The following FSIP1 variants were observed in gnomAD, a reference collection of about 807,000 sequenced individuals.
FSIP1 encodes the protein fibrous sheath-interacting protein 1.
In FSIP1, 65 loss-of-function variants were observed where a neutral mutation model predicts 60.9. The ratio of observed to expected loss-of-function variants is 1.07; its 90% CI spans 0.87 to 1.31. The LOEUF is 1.31. Ranked by LOEUF, FSIP1 falls within the 40% of genes most tolerant of loss-of-function variation. The pLI is 0.00. For synonymous variants in FSIP1, 209 were observed against 221.2 expected, an observed-to-expected ratio of 0.94 and a Z score of 0.49; for missense variants, 675 against 665.5, an observed-to-expected ratio of 1.01 and a Z score of -0.16.
At chr15:39,780,605 A>G (rs1336587098) in intron 1 of FSIP1, among the ~76,000 whole-genome samples, 1 of 152,276 alleles carries the variant, frequency 6.6e-6, no homozygotes, top group Non-Finnish European at 1.5e-5. Flanking sequence ...ACAGCATAAT[A>G]TCCCATAGAT....
At chr15:39,678,125 G>A (rs1467889950) in intron 10 of FSIP1, among the ~76,000 whole-genome samples, 1 of 151,724 alleles carries the variant, frequency 6.6e-6, no homozygotes, top group African/African-American at 2.4e-5. Flanking sequence ...ACATATGCAT[G>A]AGTATATTTA....
At chr15:39,659,918 T>C (rs1184627557) in intron 10 of FSIP1, among the ~76,000 whole-genome samples, 1 of 152,208 alleles carries the variant, frequency 6.6e-6, no homozygotes, top group African/African-American at 2.4e-5. Flanking sequence ...AAATATGCAG[T>C]ATCTCTAAGT....
intron 5 of FSIP1, chr15:39,747,361 T>C (rs1897034431): frequency 6.6e-6 from 1 of 152,238 alleles, no homozygotes; most frequent in African/African-American, 2.4e-5. Flanking sequence ...TAGGCCTACC[T>C]ATGGTTATTC....
At chr15:39,643,788 C>T (rs935192889) in intron 10 of FSIP1, among the ~76,000 whole-genome samples, 1 of 152,170 alleles carries the variant, frequency 6.6e-6, no homozygotes, top group Non-Finnish European at 1.5e-5. Flanking sequence ...AACAAAAGTG[C>T]CTTTGCAGTT....
intron 9 of FSIP1, among the ~76,000 whole-genome samples, chr15:39,716,747 G>A (rs188560870): frequency 4.3e-4 from 66 of 151,744 alleles, no homozygotes; most frequent in African/African-American, 1.6e-3. Context: ...TGAAACAACA[G>A]GGACTCTCTT....
At chr15:39,671,111 T>C (rs1465732631) in intron 10 of FSIP1, among the ~76,000 whole-genome samples, 1 of 152,244 alleles carries the variant, frequency 6.6e-6, no homozygotes, top group African/African-American at 2.4e-5. Context: ...AAAATACTTG[T>C]TCATCAAGTT....
intron 10 of FSIP1, among the ~76,000 whole-genome samples, chr15:39,674,046 C>T (rs1212806292): frequency 1.3e-5 from 2 of 151,256 alleles, no homozygotes; most frequent in Non-Finnish European, 2.9e-5. Context: ...CTTAACCCGA[C>T]CCGATTTAAT....
chr15:39,740,863 A>T (rs550915340), intron 6 of FSIP1, among the ~76,000 whole-genome samples: 1 of 151,774 alleles, frequency 6.6e-6, no homozygotes, highest in South Asian at 2.1e-4. Context: ...GTAAAAAAAA[A>T]TTTTACTCAA....
rs186043362 is a variant in FSIP1 at position 39,647,157 on chromosome 15, A to G, written c.1189-28912T>C. ...AAGGATACAAAGTTGCAGACATGTA[A>G]GATGAACAAGTCTGGAGGTCTAACA... On this transcript the variant is annotated intron_variant, in intron 10 of 11. Coordinates refer to ENST00000350221, the MANE Select transcript of FSIP1 (RefSeq NM_152597.5). 2.3e-3 allele frequency among the ~76,000 whole-genome samples: 355 copies of G among 152,314 alleles called. 4 individuals carry two copies. The highest frequency in any genetic ancestry group is 4.1e-3 in the Non-Finnish European group (276 of 68,028).
At chr15:39,752,148 T>C (rs754696614) in intron 5 of FSIP1, among the ~76,000 whole-genome samples, 2 of 152,048 alleles carry the variant, frequency 1.3e-5, no homozygotes, top group Non-Finnish European at 2.9e-5. Flanking sequence ...TTGTTGCTAT[T>C]GTTTTTGAGA....
In FSIP1 at chr15:39,687,136, CCTTTTTTTTTTTTT is replaced by C. The variant is rs1894408759; in HGVS notation, c.1188+26294_1188+26307del. 1.7e-4 allele frequency among the ~76,000 whole-genome samples: 8 copies of C among 47,708 alleles called. 1 individual carries two copies. In the South Asian group the frequency reaches 6.2e-3, roughly 37 times the overall value. 31.3% of individuals were successfully genotyped at this position (47,708 alleles called of 152,430 possible). A position where few individuals can be genotyped will look rare whatever the true frequency, so the allele number is the denominator to read the frequency against. On this transcript the variant is annotated intron_variant, in intron 10 of 11. Transcript: ENST00000350221. ...CACCTTTCTTTCTTTCTTTTCTTTTCCTTTTTTTTTTTTTTTTTTTTTTTTTTTTGAGACAGAGT... is the reference window on the plus strand; with the variant it reads ...CACCTTTCTTTCTTTCTTTTCTTTTCTTTTTTTTTTTTTTTGAGACAGAGT...
At chr15:39,646,870 T>C in intron 10 of FSIP1, among the ~76,000 whole-genome samples, 1 of 152,112 alleles carries the variant, frequency 6.6e-6, no homozygotes, top group Non-Finnish European at 1.5e-5. Context: ...TATACACACA[T>C]ACAGAGAAAT....
chr15:39,624,373 T>C (rs1336363613), intron 10 of FSIP1, among the ~76,000 whole-genome samples: 1 of 152,180 alleles, frequency 6.6e-6, no homozygotes, highest in Non-Finnish European at 1.5e-5. Context: ...TGAAGAGTTA[T>C]TTGAGATATA....
chr15:39,679,483 T>A (rs1177210682), intron 10 of FSIP1, among the ~76,000 whole-genome samples: 4 of 152,110 alleles, frequency 2.6e-5, no homozygotes, highest in Non-Finnish European at 5.9e-5. Context: ...GCGCCTGTCA[T>A]CCCAGCATTT....
intron 9 of FSIP1, among the ~76,000 whole-genome samples, chr15:39,715,546 A>C (rs1359778965): frequency 6.6e-6 from 1 of 152,224 alleles, no homozygotes; most frequent in Non-Finnish European, 1.5e-5. Flanking sequence ...TATTGTATAC[A>C]GTTCTACCAA....
At chr15:39,772,428 G>C (rs1183924917) in intron 2 of FSIP1, among the ~76,000 whole-genome samples, 1 of 151,782 alleles carries the variant, frequency 6.6e-6, no homozygotes, top group Non-Finnish European at 1.5e-5. Context: ...TGACTAGCTG[G>C]AACCACAGGC....
intron 5 of FSIP1, among the ~76,000 whole-genome samples, chr15:39,742,331 T>C (rs1485023963): frequency 6.6e-6 from 1 of 152,210 alleles, no homozygotes; most frequent in Non-Finnish European, 1.5e-5. Flanking sequence ...GTCATTAAGA[T>C]AAAGGAATGT....
At chr15:39,646,520 CAAAAA>C (rs71132108) in intron 10 of FSIP1, among the ~76,000 whole-genome samples, 4 of 27,114 alleles carry the variant, frequency 1.5e-4, no homozygotes, top group Non-Finnish European at 2.3e-4. Context: ...CTCATCTCTA[CAAAAA>C]AAAAAAAAAA....
At chr15:39,600,987 AAAAC>A in intron 11 of FSIP1, 61 bp from the exon 12 acceptor site, 2 of 1,286,892 alleles carry the variant, frequency 1.6e-6, no homozygotes, top group African/African-American at 1.5e-5. Context: ...ATAATTAAGA[AAAAC>A]AACTCAGCCT....
Sources: gnomAD v4.1 joint callset for allele counts (sites outside exome capture counted in the v4.1 genomes callset) on GRCh38, gnomAD v4.1.1 for gene constraint, MANE v1.5 for transcripts, NCBI Gene and HGNC (gene_info 2026-07-23, HGNC 2026-07-21) for gene names.